Variants in RSF1 observed in about 807,000 individuals in gnomAD.
RSF1 encodes HBV pX-associated protein 8.
Under a neutral mutation model 145.2 loss-of-function variants are expected in RSF1, and 13 were observed. That is an observed-to-expected ratio of 0.09 (90% CI 0.06 to 0.14). The LOEUF (loss-of-function observed/expected upper bound fraction) is 0.14. Among genes scored for constraint, RSF1 ranks in the 10% least tolerant of loss-of-function variants. The pLI, the probability that RSF1 is intolerant of heterozygous loss-of-function variation, is 1.00. For synonymous variants in RSF1, 577 were observed against 592.6 expected (o/e 0.97, Z 0.38); for missense variants, 1,517 against 1,718.2 (o/e 0.88, Z 2.07).
intron 1 of RSF1, among the ~76,000 whole-genome samples, chr11:77,800,136 G>GGTGAC (rs781661260): frequency 5.3e-5 from 8 of 151,926 alleles, no homozygotes; most frequent in Non-Finnish European, 1.2e-4. Flanking sequence ...ATCCAACCTG[G>GGTGAC]GTGACGTGGC....
the RSF1 span, among the ~76,000 whole-genome samples, chr11:77,856,636 G>A: frequency 2.0e-5 from 3 of 152,062 alleles, no homozygotes; most frequent in Admixed American, 1.3e-4. Flanking sequence ...TTACTATCAC[G>A]GCAGAAGGTG....
chr11:77,750,870 C>T (rs1486771414), intron 2 of RSF1, among the ~76,000 whole-genome samples: 1 of 152,122 alleles, frequency 6.6e-6, no homozygotes, highest in African/African-American at 2.4e-5. Flanking sequence ...ATAAATCTAG[C>T]TGATAGGTCA....
chr11:77,718,889 G>A (rs929128138), intron 5 of RSF1, among the ~76,000 whole-genome samples: 2 of 152,176 alleles, frequency 1.3e-5, no homozygotes, highest in African/African-American at 4.8e-5. Flanking sequence ...TAGAACTTAA[G>A]CTTTATATCT....
chr11:77,805,960 C>T (rs1175415883), intron 1 of RSF1, among the ~76,000 whole-genome samples: 1 of 152,172 alleles, frequency 6.6e-6, no homozygotes, highest in East Asian at 1.9e-4. Flanking sequence ...TTGCATCAAT[C>T]CATTAACTAA....
At chr11:77,691,340 G>A in intron 8 of RSF1, 102 bp from the exon 9 acceptor site, 1 of 901,734 alleles carries the variant, frequency 1.1e-6, no homozygotes, top group South Asian at 1.4e-5. Context: ...GAGCTGGTAA[G>A]GGACCACATA....
intron 2 of RSF1, among the ~76,000 whole-genome samples, chr11:77,760,566 T>C (rs1312600360): frequency 9.2e-5 from 14 of 152,222 alleles, no homozygotes; most frequent in Admixed American, 9.2e-4. Context: ...CTTATGTGAA[T>C]TATATCTCAA....
intron 1 of RSF1, among the ~76,000 whole-genome samples, chr11:77,785,260 A>G (rs994862131): frequency 6.6e-6 from 1 of 152,144 alleles, no homozygotes; most frequent in Non-Finnish European, 1.5e-5. Flanking sequence ...AAAGCCCCTT[A>G]TTACTCCATC....
At chr11:77,735,511 CTCTTT>C (rs1361372385) in intron 4 of RSF1, among the ~76,000 whole-genome samples, 2 of 151,582 alleles carry the variant, frequency 1.3e-5, no homozygotes, top group Non-Finnish European at 2.9e-5. Flanking sequence ...TTATATAATC[CTCTTT>C]TAAGAATTAG....
At chr11:77,763,184 CA>C in intron 2 of RSF1, 2 of 151,408 alleles carry the variant, frequency 1.3e-5, no homozygotes, top group East Asian at 1.9e-4. Context: ...ACTAATAATA[CA>C]AAAAAAATTA....
intron 1 of RSF1, among the ~76,000 whole-genome samples, chr11:77,803,686 G>C (rs1246343615): frequency 6.6e-6 from 1 of 152,052 alleles, no homozygotes; most frequent in Non-Finnish European, 1.5e-5. Flanking sequence ...GGCTGAGGCA[G>C]GAGAATTGCT....
At chr11:77,737,665 T>TGC (rs1961398287) in intron 4 of RSF1, among the ~76,000 whole-genome samples, 2 of 150,158 alleles carry the variant, frequency 1.3e-5, no homozygotes, top group Admixed American at 1.3e-4. Flanking sequence ...TGTGTGTGTG[T>TGC]GTTTAAAAAG....
At chr11:77,846,916 T>C in the RSF1 span, among the ~76,000 whole-genome samples, 1 of 152,208 alleles carries the variant, frequency 6.6e-6, no homozygotes, top group East Asian at 1.9e-4. Context: ...GGAAGATTCA[T>C]ATTTGCTTCT....
chr11:77,692,232 A>ATTTTTTTTTTT (rs1565149884), intron 8 of RSF1, among the ~76,000 whole-genome samples: 5 of 59,736 alleles, frequency 8.4e-5, no homozygotes, highest in Non-Finnish European at 9.1e-5. Context: ...ACTACTTTTA[A>ATTTTTTTTTTT]ATTTTTTTTT....
chr11:77,838,079 A>G, the RSF1 span, among the ~76,000 whole-genome samples: 1 of 152,172 alleles, frequency 6.6e-6, no homozygotes, highest in Non-Finnish European at 1.5e-5. Flanking sequence ...TCTCTTTGAT[A>G]TTAATAATAA....
chr11:77,722,444 T>C lies in RSF1; in HGVS notation c.733+3101A>G, dbSNP rs545986567. 3.6e-4 allele frequency among the ~76,000 whole-genome samples: 55 copies of C among 152,258 alleles called. 2 individuals carry two copies. The South Asian group carries it at 9.5e-3, about 26-fold the overall frequency. Reference sequence around the variant, plus strand: ...AGCATTACATAGGTCCTTGTTAAAATAGCCAATCAGCAGACAGCCAAGACC... The same window carrying C: ...AGCATTACATAGGTCCTTGTTAAAACAGCCAATCAGCAGACAGCCAAGACC... On this transcript the variant is annotated intron_variant, in intron 5 of 15. Coordinates refer to ENST00000308488, the MANE Select transcript of RSF1 (RefSeq NM_016578.4).
chr11:77,794,933 T>C (rs1300087890), intron 1 of RSF1, among the ~76,000 whole-genome samples: 1 of 152,150 alleles, frequency 6.6e-6, no homozygotes, highest in East Asian at 1.9e-4. Flanking sequence ...CTGCAGATGA[T>C]ATGACCCTGT....
At chr11:77,863,806 T>C in the RSF1 span, among the ~76,000 whole-genome samples, 7 of 152,200 alleles carry the variant, frequency 4.6e-5, no homozygotes, top group African/African-American at 1.4e-4. Flanking sequence ...TGAGCCTCTC[T>C]GCCTACCCCT....
At chr11:77,846,863 C>T in the RSF1 span, among the ~76,000 whole-genome samples, 1 of 151,990 alleles carries the variant, frequency 6.6e-6, no homozygotes, top group Admixed American at 6.6e-5. Context: ...TTTGTAGGAA[C>T]CCTGAATAAT....
intron 1 of RSF1, among the ~76,000 whole-genome samples, chr11:77,798,881 T>C (rs1948599451): frequency 6.6e-6 from 1 of 150,722 alleles, no homozygotes; most frequent in Non-Finnish European, 1.5e-5. Context: ...ATACCTAATG[T>C]AGGTGACGGG....
Sources: allele counts gnomAD v4.1 joint callset (sites outside exome capture counted in the v4.1 genomes callset), GRCh38; gene constraint gnomAD v4.1.1; transcripts MANE v1.5; gene names NCBI Gene and HGNC (gene_info 2026-07-23, HGNC 2026-07-21).